ZSCAN29: variants seen among roughly 807,000 people sequenced by gnomAD.
ZSCAN29 encodes the protein zinc finger and SCAN domain containing 29.
In ZSCAN29, 55 loss-of-function variants were observed where a neutral mutation model predicts 71.9. The ratio of observed to expected loss-of-function variants is 0.76; its 90% CI spans 0.62 to 0.96. ZSCAN29 has a LOEUF of 0.96. ZSCAN29 is among the 40% of genes least tolerant of loss of function. ZSCAN29 has a pLI of 0.00. For missense variants in ZSCAN29, 1,042 were observed against 1,042.2 expected, an observed-to-expected ratio of 1.00 and a Z score of 0.00; for synonymous variants, 351 against 371.6, an observed-to-expected ratio of 0.94 and a Z score of 0.64.
Position 43,366,501 on chromosome 15 carries a change from T to G in ZSCAN29, c.831A>C (p.Gln277His). The G allele has an allele frequency of 6.2e-7, 1 of 1,614,236 alleles. No homozygotes were observed. The highest frequency in any genetic ancestry group is 8.5e-7 in the Non-Finnish European group (1 of 1,180,048). Residue 277 changes from glutamine (Q) to histidine (H), a missense_variant, in exon 4 of 6, where the codon CAA becomes CAC. Coordinates refer to ENST00000684362, the MANE Select transcript of ZSCAN29 (RefSeq NM_001372080.1). Reference sequence around the variant, plus strand: ...GCCGCTCAGCCACAGCCCCATACACTTGGCTGTTCCTATGGCAGTTTCTGA... The same window carrying G: ...GCCGCTCAGCCACAGCCCCATACACGTGGCTGTTCCTATGGCAGTTTCTGA... Reference protein sequence around the residue: ...EALRNCHRNSQVYGAVAERLR... With the variant: ...EALRNCHRNSHVYGAVAERLR...
At chr15:43,367,155 C>T (rs971040750) in intron 3 of ZSCAN29, among the ~76,000 whole-genome samples, 4 of 152,176 alleles carry the variant, frequency 2.6e-5, no homozygotes, top group Non-Finnish European at 5.9e-5. Flanking sequence ...GGCGTGATTT[C>T]AAGGGGGAAG....
At position 43,361,411 on chromosome 15, in the gene ZSCAN29, TCC is replaced by T; in HGVS notation, c.2219_2220del (p.Gly740GlufsTer25). 1 of 1,614,220 alleles carries T rather than the reference TCC, an allele frequency of 6.2e-7. No individual in the cohort carries two copies. Among genetic ancestry groups the T allele is most frequent in the Non-Finnish European group, 8.5e-7 (1 of 1,180,030 alleles). ...AGGCTTGAGCTCTGATTGAAGCATT[TCC>T]CACACTCACCACATTGATAAGGTTT... ...GEKPYQCGECGKCFNQSSSLI... is the reference protein window; with the variant it reads ...GEKPYQCGECXKCFNQSSSLI... On this transcript the variant is annotated frameshift_variant, in exon 6 of 6. Coordinates refer to ENST00000684362, the MANE Select transcript of ZSCAN29 (RefSeq NM_001372080.1). LOFTEE classifies it high-confidence loss of function.
Position 43,364,081 on chromosome 15 carries a change from CTCTTCCTGGCCATCATTGG to C in ZSCAN29, c.1505_1523del (p.Pro502ArgfsTer45). Reference sequence around the variant, plus strand: ...TCCCCTGGACGGGGCAAGAAGCAGTCTCTTCCTGGCCATCATTGGGTGGGGCAGCAACCCGGACACTCAC... The same window carrying C: ...TCCCCTGGACGGGGCAAGAAGCAGTCGTGGGGCAGCAACCCGGACACTCAC... On this transcript the variant is annotated frameshift_variant, in exon 5 of 6. Coordinates refer to ENST00000684362, the MANE Select transcript of ZSCAN29 (RefSeq NM_001372080.1). LOFTEE classifies it high-confidence loss of function. 1 of 1,614,192 alleles carries C rather than the reference CTCTTCCTGGCCATCATTGG, an allele frequency of 6.2e-7. No individual in the cohort carries two copies. Among genetic ancestry groups the C allele is most frequent in the Admixed American group, 1.7e-5 (1 of 60,028 alleles).
chr15:43,366,025 T>C, intron 4 of ZSCAN29, 85 bp downstream of exon 4: 1 of 1,372,332 alleles, frequency 7.3e-7, no homozygotes, highest in Non-Finnish European at 9.9e-7. Flanking sequence ...AAAGCTGGCA[T>C]GTGACATTAA....
intron 5 of ZSCAN29, 77 bp from the exon 6 acceptor site, chr15:43,362,018 A>T: frequency 7.0e-7 from 1 of 1,429,110 alleles, no homozygotes; most frequent in South Asian, 1.4e-5. Flanking sequence ...CTTGGGAAAA[A>T]CAAGCATTAC....
At chr15:43,363,749 T>C (rs573319206) in intron 5 of ZSCAN29, 166 bp downstream of exon 5, 3 of 601,630 alleles carry the variant, frequency 5.0e-6, no homozygotes, top group Admixed American at 3.1e-5. Flanking sequence ...ACATAAATAA[T>C]TTATATCCCC....
In ZSCAN29 at chr15:43,361,647, G is replaced by A. The variant is rs1223465627; in HGVS notation, c.1985C>T (p.Pro662Leu). 6.2e-7 allele frequency: 1 copy of A among 1,614,142 alleles called. No individual in the cohort carries two copies. Among genetic ancestry groups the A allele is most frequent in the South Asian group, 1.1e-5 (1 of 91,078 alleles). ...KYLKYSKSFG[P>L]NSLLMHQVSH... ...TACCTGATGCATGAGAAGGGAGTTT[G>A]GACCAAAGCTTTTGCTGTATTTGAG... Residue 662 changes from proline to leucine, a missense_variant, in exon 6 of 6, where the codon CCA (proline) becomes CTA (leucine). By Grantham distance (98) the Pro-to-Leu change is moderately conservative. Coordinates refer to ENST00000684362, the MANE Select transcript of ZSCAN29 (RefSeq NM_001372080.1).
chr15:43,367,148 G>A (rs187899285), intron 3 of ZSCAN29, among the ~76,000 whole-genome samples: 12 of 152,304 alleles, frequency 7.9e-5, no homozygotes, highest in South Asian at 2.1e-4. Flanking sequence ...TAAACTCGGC[G>A]TGATTTCAAG....
intron 5 of ZSCAN29, 117 bp from the exon 6 acceptor site, chr15:43,362,058 G>T: frequency 9.9e-7 from 1 of 1,008,458 alleles, no homozygotes; most frequent in Non-Finnish European, 1.4e-6. Context: ...GGGAGCCCTA[G>T]ATCCCAAATA....
Position 43,361,960 on chromosome 15 carries a change from T to G in ZSCAN29, c.1691-19A>C. 3 of 1,585,952 alleles carry G rather than the reference T, an allele frequency of 1.9e-6. No homozygotes were observed. In the South Asian group the frequency reaches 3.4e-5, roughly 18 times the overall value. On this transcript the variant is annotated intron_variant, in intron 5 of 5. Transcript: ENST00000684362. Reference sequence around the variant, plus strand: ...TCAAAACCTGATGTAAAACAGAATTTTAGAAGTTATCTATTTTCTTAATCA... The same window carrying G: ...TCAAAACCTGATGTAAAACAGAATTGTAGAAGTTATCTATTTTCTTAATCA...
chr15:43,361,633 T>C lies in ZSCAN29; in HGVS notation c.1999A>G (p.Met667Val), dbSNP rs1352041777. Residue 667 changes from methionine to valine, a missense_variant, in exon 6 of 6, where the codon ATG (methionine) becomes GTG (valine). Physicochemically the swap from Met to Val is conservative, Grantham distance 21. Coordinates refer to ENST00000684362, the MANE Select transcript of ZSCAN29 (RefSeq NM_001372080.1). The part of the protein sequence containing the change: ...SKSFGPNSLL[M>V]HQVSHQVENP... ...TCCACCTGGTGGGATACCTGATGCA[T>C]GAGAAGGGAGTTTGGACCAAAGCTT... The C allele has an allele frequency of 1.2e-6, 2 of 1,612,534 alleles. No homozygotes were observed. The highest frequency in any genetic ancestry group is 1.3e-5 in the African/African-American group (1 of 74,910).
At position 43,361,002 on chromosome 15, in the gene ZSCAN29, A is replaced by T. The variant is rs748854245; in HGVS notation, c.*71T>A. On this transcript the variant is annotated 3_prime_UTR_variant, in exon 6 of 6. Coordinates refer to ENST00000684362, the MANE Select transcript of ZSCAN29 (RefSeq NM_001372080.1). ...CTAACTGGACACAGAATAGTAGATGAATCTCACTATTGGAAGACTTTCTAA... is the reference window on the plus strand; with the variant it reads ...CTAACTGGACACAGAATAGTAGATGTATCTCACTATTGGAAGACTTTCTAA... 1.6e-5 allele frequency: 23 copies of T among 1,483,520 alleles called. No individual in the cohort carries two copies. The highest frequency in any genetic ancestry group is 2.1e-5 in the Non-Finnish European group (23 of 1,105,586). 91.9% of individuals were successfully genotyped at this position (1,483,520 alleles called of 1,614,324 possible). A position where few individuals can be genotyped will look rare whatever the true frequency, so the allele number is the denominator to read the frequency against.
In ZSCAN29 at chr15:43,361,689, T is replaced by C; in HGVS notation, c.1943A>G (p.Glu648Gly). 1 of 1,614,212 alleles carries C rather than the reference T, an allele frequency of 6.2e-7. No homozygotes were observed. Among genetic ancestry groups the C allele is most frequent in the African/African-American group, 1.3e-5 (1 of 75,044 alleles). Residue 648 changes from glutamate (E) to glycine (G), a missense_variant, in exon 6 of 6, where the codon GAG becomes GGG. Coordinates refer to ENST00000684362, the MANE Select transcript of ZSCAN29 (RefSeq NM_001372080.1). ...GTATTTGAGATATTTATAGGGTCTC[T>C]CTCCCAAGCAAGGTCTCTGTTGACT... ...VLSQQRPCLG[E>G]RPYKYLKYSK...
At chr15:43,370,460 A>G (rs1389640855) in intron 1 of ZSCAN29, 98 bp downstream of exon 1, 1 of 152,238 alleles carries the variant, frequency 6.6e-6, no homozygotes, top group Non-Finnish European at 1.5e-5. Context: ...GGGCTGCACA[A>G]CTCCCAAAGC....
intron 3 of ZSCAN29, 117 bp from the exon 4 acceptor site, chr15:43,366,925 A>T: frequency 1.0e-6 from 1 of 1,004,196 alleles, no homozygotes; most frequent in Non-Finnish European, 1.4e-6. Context: ...GTCTAGGGAA[A>T]TGTTTTCAGA....
rs778968043 is a variant in ZSCAN29, at chr15:43,369,583, C to T, written c.318+13G>A. ...ATCACACTTTTGAATTTGAATTCCC[C>T]CTCCCTTCTCACCGAAGATCTAGGT... On this transcript the variant is annotated intron_variant, in intron 2 of 5. Coordinates refer to ENST00000684362, the MANE Select transcript of ZSCAN29 (RefSeq NM_001372080.1). 3.1e-6 allele frequency: 5 copies of T among 1,605,836 alleles called. No homozygotes were observed. The highest frequency in any genetic ancestry group is 2.6e-6 in the Non-Finnish European group (3 of 1,174,770).
chr15:43,363,930 A>T lies in ZSCAN29; in HGVS notation c.1675T>A (p.Phe559Ile). ...GAVITRAPVL[F>I]QSPRGFEAGF... Reference sequence around the variant, plus strand: ...ATAATCTTACCACGGGGGCTTTGGAATAACACTGGAGCACGGGTTATGACA... The same window carrying T: ...ATAATCTTACCACGGGGGCTTTGGATTAACACTGGAGCACGGGTTATGACA... Residue 559 changes from phenylalanine (F) to isoleucine (I), a missense_variant, in exon 5 of 6, where the codon TTC becomes ATC. By Grantham distance (21) the Phe-to-Ile change is conservative. Transcript: ENST00000684362. 1.3e-6 allele frequency: 2 copies of T among 1,597,176 alleles called. No individual in the cohort carries two copies. Among genetic ancestry groups the T allele is most frequent in the Non-Finnish European group, 1.7e-6 (2 of 1,169,138 alleles).
At chr15:43,363,196 T>C (rs6493086) in intron 5 of ZSCAN29, among the ~76,000 whole-genome samples, 69,300 of 151,994 alleles carry the variant, frequency 0.46, 20,148 homozygotes, top group African/African-American at 0.83. Flanking sequence ...TCAGGCTGCT[T>C]TCCAACTCCC....
chr15:43,370,780 CT>C lies in ZSCAN29; in HGVS notation c.-336del, dbSNP rs2044098232. On this transcript the variant is annotated 5_prime_UTR_variant, in exon 1 of 6. Coordinates refer to ENST00000684362, the MANE Select transcript of ZSCAN29 (RefSeq NM_001372080.1). ...GGAGCAGCGGCTGCGGGATTCTGGC[CT>C]CTTTTGTCTCCGCTCCCTCCGGCCG... 6.5e-6 allele frequency: 1 copy of C among 153,202 alleles called. No homozygotes were observed. The highest frequency in any genetic ancestry group is 2.0e-4 in the South Asian group (1 of 4,964). 9.5% of individuals were successfully genotyped at this position (153,202 alleles called of 1,614,324 possible).
Sources: allele counts gnomAD v4.1 joint callset (sites outside exome capture counted in the v4.1 genomes callset), GRCh38; gene constraint gnomAD v4.1.1; transcripts MANE v1.5; gene names NCBI Gene and HGNC (gene_info 2026-07-23, HGNC 2026-07-21).